The following SHISA9 variants were observed in gnomAD, a reference collection of about 807,000 sequenced individuals.
The protein encoded by SHISA9 is shisa family member 9, also known as protein shisa-9.
SHISA9 carries 13 observed loss-of-function variants against 38.0 expected under a neutral mutation model. The observed-to-expected ratio is 0.34, with a 90% CI of 0.22 to 0.54. The LOEUF (loss-of-function observed/expected upper bound fraction) is 0.54, where lower values mean the gene tolerates loss of function less well. Among genes scored for constraint, SHISA9 ranks in the 20% least tolerant of loss-of-function variants. The probability of loss-of-function intolerance (pLI) is 0.91; values close to 1 mark genes in which losing one functional copy is unlikely to be tolerated. For synonymous variants in SHISA9, 275 were observed against 242.0 expected (o/e 1.14, Z -1.27); for missense variants, 538 against 575.8 (o/e 0.93, Z 0.67).
At chr16:13,411,043 A>T in the SHISA9 span, among the ~76,000 whole-genome samples, 2 of 152,206 alleles carry the variant, frequency 1.3e-5, no homozygotes, top group South Asian at 4.1e-4. Context: ...TAGGTGATTC[A>T]TACTAATGGA....
At chr16:13,322,557 C>T in the SHISA9 span, among the ~76,000 whole-genome samples, 2 of 152,134 alleles carry the variant, frequency 1.3e-5, no homozygotes, top group Non-Finnish European at 2.9e-5. Context: ...TGAAGGTTAG[C>T]AGGGGTGCTA....
chr16:12,994,993 A>G (rs948696901), intron 2 of SHISA9, among the ~76,000 whole-genome samples: 14 of 152,160 alleles, frequency 9.2e-5, no homozygotes, highest in Admixed American at 6.5e-4. Flanking sequence ...TTTTTATCGC[A>G]TGTAAACAAT....
In SHISA9 at chr16:13,235,201, C is replaced by A; in HGVS notation, c.1067C>A (p.Pro356His). Residue 356 changes from proline to histidine, a missense_variant, in exon 5 of 5, where the codon CCC becomes CAC. By Grantham distance (77) the Pro-to-His change is moderately conservative (BLOSUM62 -2). Transcript: ENST00000558583. ...NGQKSRTNKMPPHPLAYTSTT... is the reference protein window; with the variant it reads ...NGQKSRTNKMHPHPLAYTSTT... ...CAGAAGTCCCGCACCAACAAGATGC[C>A]CCCACATCCCCTGGCCTACACCTCT... 6.4e-7 allele frequency: 1 copy of A among 1,551,770 alleles called. No individual in the cohort carries two copies.
At chr16:13,068,579 C>G (rs1281242494) in intron 2 of SHISA9, among the ~76,000 whole-genome samples, 1 of 152,148 alleles carries the variant, frequency 6.6e-6, no homozygotes, top group Non-Finnish European at 1.5e-5. Flanking sequence ...TTCTTGTATT[C>G]CATCCTAGCA....
At chr16:13,299,734 C>A in the SHISA9 span, among the ~76,000 whole-genome samples, 3 of 150,166 alleles carry the variant, frequency 2.0e-5, no homozygotes, top group South Asian at 4.2e-4. Flanking sequence ...ACAAAAAAAA[C>A]CCGACAATTG....
chr16:12,972,468 A>G lies in SHISA9; in HGVS notation c.691+55653A>G, dbSNP rs561514196. ...AGAGTGATATATAATGAGGTGAGGG[A>G]TGTTGGAAGGATGAATCATACAGAA... On this transcript the variant is annotated intron_variant, in intron 2 of 4. Transcript: ENST00000558583. Among the ~76,000 whole-genome samples, 5 of 152,268 alleles carry G rather than the reference A, an allele frequency of 3.3e-5. No individual in the cohort carries two copies. In the South Asian group the frequency reaches 8.3e-4, roughly 25 times the overall value.
intron 2 of SHISA9, among the ~76,000 whole-genome samples, chr16:13,171,433 G>A (rs1302188680): frequency 6.6e-6 from 1 of 151,856 alleles, no homozygotes; most frequent in Non-Finnish European, 1.5e-5. Context: ...TCATGGAGGA[G>A]GGACTTGTGC....
At chr16:12,979,836 T>C (rs2072217100) in intron 2 of SHISA9, among the ~76,000 whole-genome samples, 1 of 152,224 alleles carries the variant, frequency 6.6e-6, no homozygotes, top group African/African-American at 2.4e-5. Flanking sequence ...TATTTCCCTC[T>C]AATAAAATAC....
the SHISA9 span, chr16:13,350,184 G>T: frequency 6.6e-6 from 1 of 152,360 alleles, no homozygotes; most frequent in Admixed American, 6.5e-5. Flanking sequence ...TTCTAGAGCT[G>T]GAACACCCTT....
chr16:13,150,183 C>T (rs1461952347), intron 2 of SHISA9, among the ~76,000 whole-genome samples: 2 of 152,016 alleles, frequency 1.3e-5, no homozygotes, highest in African/African-American at 4.8e-5. Flanking sequence ...ATTGGCCTTT[C>T]AGGAGTTCCC....
At position 13,025,024 on chromosome 16, in the gene SHISA9, G is replaced by A. The variant is rs552278326; in HGVS notation, c.691+108209G>A. Among the ~76,000 whole-genome samples the A allele has an allele frequency of 2.7e-3, 408 of 152,274 alleles. 2 individuals carry two copies. The highest frequency in any genetic ancestry group is 4.9e-3 in the Admixed American group (75 of 15,292). On this transcript the variant is annotated intron_variant, in intron 2 of 4. Coordinates refer to ENST00000558583, the MANE Select transcript of SHISA9 (RefSeq NM_001145204.3). ...ATTACCTGGACATTGATACCAACAT[G>A]TTAAGAGGGTTCTTATAGAACAGCA... is the stretch of plus-strand genomic sequence containing the variant.
chr16:13,533,092 G>A, the SHISA9 span, among the ~76,000 whole-genome samples: 4 of 152,060 alleles, frequency 2.6e-5, no homozygotes, highest in Non-Finnish European at 5.9e-5. Flanking sequence ...ACCCTTGTGA[G>A]GCCCCTTCAT....
the SHISA9 span, among the ~76,000 whole-genome samples, chr16:13,534,753 G>A: frequency 6.6e-6 from 1 of 152,064 alleles, no homozygotes; most frequent in Admixed American, 6.6e-5. Context: ...CAACCTCTAA[G>A]TGCTGAAATG....
At chr16:13,142,596 C>T (rs2050411205) in intron 2 of SHISA9, among the ~76,000 whole-genome samples, 1 of 152,170 alleles carries the variant, frequency 6.6e-6, no homozygotes, top group South Asian at 2.1e-4. Context: ...CAGGCAATGC[C>T]TTCTTTCTCC....
intron 2 of SHISA9, among the ~76,000 whole-genome samples, chr16:12,981,777 G>C (rs766218709): frequency 7.2e-5 from 11 of 152,134 alleles, no homozygotes; most frequent in Non-Finnish European, 1.5e-4. Context: ...GGTCATATGG[G>C]TGGACTCTAA....
At chr16:13,194,321 G>C (rs188229455) in intron 2 of SHISA9, among the ~76,000 whole-genome samples, 1,787 of 152,298 alleles carry the variant, frequency 0.012, 123 homozygotes, top group Admixed American at 0.11. Context: ...CTGAATGTTA[G>C]AGATTTGAAT....
the SHISA9 span, among the ~76,000 whole-genome samples, chr16:13,384,367 G>A: frequency 2.0e-5 from 3 of 152,170 alleles, no homozygotes; most frequent in Admixed American, 6.5e-5. Flanking sequence ...TAAAATAGCT[G>A]TGGTAACTCT....
At chr16:13,537,954 C>T in the SHISA9 span, among the ~76,000 whole-genome samples, 1 of 152,048 alleles carries the variant, frequency 6.6e-6, no homozygotes, top group East Asian at 1.9e-4. Flanking sequence ...GTGTTTTCTA[C>T]TTTTTTCATC....
chr16:13,312,983 C>T, the SHISA9 span, among the ~76,000 whole-genome samples: 3 of 151,974 alleles, frequency 2.0e-5, no homozygotes, highest in African/African-American at 7.2e-5. Context: ...AGGCCGGGCG[C>T]GGTGGCTCAC....
Sources: allele counts gnomAD v4.1 joint callset (sites outside exome capture counted in the v4.1 genomes callset), GRCh38; gene constraint gnomAD v4.1.1; transcripts MANE v1.5; gene names NCBI Gene and HGNC (gene_info 2026-07-23, HGNC 2026-07-21).